The following ATAD5 variants were observed in gnomAD, a reference collection of about 807,000 sequenced individuals.
The protein encoded by ATAD5 is ATPase family AAA domain containing 5.
Under a neutral mutation model 176.9 loss-of-function variants are expected in ATAD5, and 58 were observed. The ratio of observed to expected loss-of-function variants is 0.33; its 90% CI spans 0.27 to 0.41. The LOEUF is 0.41. ATAD5 is among the 10% of genes least tolerant of loss of function. The probability of loss-of-function intolerance (pLI) is 1.00; values close to 1 mark genes in which losing one functional copy is unlikely to be tolerated. For synonymous variants in ATAD5, 640 were observed against 712.6 expected (o/e 0.90, Z 1.62); for missense variants, 1,789 against 2,094.1 (o/e 0.85, Z 2.84).
rs987319013 is a variant in ATAD5, at chr17:30,834,135, T to G, written c.67-13T>G. 3.3e-6 allele frequency: 5 copies of G among 1,526,012 alleles called. No homozygotes were observed. Among genetic ancestry groups the G allele is most frequent in the Non-Finnish European group, 4.4e-6 (5 of 1,142,482 alleles). 94.5% of individuals were successfully genotyped at this position (1,526,012 alleles called of 1,614,324 possible). A position where few individuals can be genotyped will look rare whatever the true frequency, so the allele number is the denominator to read the frequency against. On this transcript the variant is annotated splice_polypyrimidine_tract_variant and intron_variant, in intron 1 of 22. Coordinates refer to ENST00000321990, the MANE Select transcript of ATAD5 (RefSeq NM_024857.5). ...GCTTGAAATAAGTGCCTTTTTCTCT[T>G]TTAAATTGCCAGCCATGCAAAAAGC...
chr17:30,890,230 A>G (rs981586861), intron 19 of ATAD5, among the ~76,000 whole-genome samples: 1 of 151,814 alleles, frequency 6.6e-6, no homozygotes, highest in Non-Finnish European at 1.5e-5. Flanking sequence ...TATATATTCT[A>G]TTCAGTGTAA....
chr17:30,892,536 G>A (rs1909693755), intron 19 of ATAD5, 71 bp from the exon 20 acceptor site: 4 of 1,122,004 alleles, frequency 3.6e-6, no homozygotes, highest in Admixed American at 6.1e-5. Context: ...AAGGATCTCA[G>A]GCTTTAAATA....
intron 18 of ATAD5, among the ~76,000 whole-genome samples, chr17:30,880,330 C>T (rs1027025026): frequency 2.6e-5 from 4 of 151,844 alleles, no homozygotes; most frequent in African/African-American, 4.8e-5. Flanking sequence ...AATACCTGGC[C>T]GGGCGTAGTG....
chr17:30,884,093 C>T (rs1909174466), intron 18 of ATAD5, among the ~76,000 whole-genome samples: 1 of 151,880 alleles, frequency 6.6e-6, no homozygotes, highest in Non-Finnish European at 1.5e-5. Flanking sequence ...AACTACCATT[C>T]TACTTTGTTT....
intron 14 of ATAD5, among the ~76,000 whole-genome samples, chr17:30,873,689 C>CTTTT (rs775055653): frequency 0.03 from 3,945 of 129,458 alleles, 248 homozygotes; most frequent in African/African-American, 0.1. Context: ...TAAAAATTGC[C>CTTTT]TTTTTTTTTT....
intron 10 of ATAD5, 149 bp downstream of exon 10, chr17:30,860,761 C>T: frequency 1.3e-6 from 1 of 740,918 alleles, no homozygotes; most frequent in Non-Finnish European, 2.0e-6. Context: ...TTTTTTGAGA[C>T]ACAGTTTCTC....
intron 12 of ATAD5, among the ~76,000 whole-genome samples, 165 bp downstream of exon 12, chr17:30,868,577 G>A (rs1908140276): frequency 6.8e-6 from 1 of 146,770 alleles, no homozygotes; most frequent in Non-Finnish European, 1.5e-5. Context: ...GCGCAATCTC[G>A]GCTCACTGCT....
chr17:30,884,424 C>CTTTTT (rs61664127), intron 18 of ATAD5, among the ~76,000 whole-genome samples: 1,443 of 80,806 alleles, frequency 0.018, 1 homozygote, highest in Non-Finnish European at 0.024. Flanking sequence ...CTTTTCTTTT[C>CTTTTT]TTTTTTTTTT....
intron 9 of ATAD5, among the ~76,000 whole-genome samples, chr17:30,860,210 GA>G (rs1207228430): frequency 6.6e-6 from 1 of 152,092 alleles, no homozygotes; most frequent in African/African-American, 2.4e-5. Flanking sequence ...CTTTAGTAGA[GA>G]TGGAGTTTCC....
At chr17:30,876,702 C>CTTTTTTTTTTTTTTTTTTTTTTTTTT (rs202065630) in intron 15 of ATAD5, 152 bp downstream of exon 15, 1 of 125,966 alleles carries the variant, frequency 7.9e-6, no homozygotes. Context: ...ATTTTGTTTC[C>CTTTTTTTTTTTTTTTTTTTTTTTTTT]TTTTTTTTTT....
At chr17:30,857,180 G>A in intron 8 of ATAD5, 68 bp downstream of exon 8, 1 of 1,496,820 alleles carries the variant, frequency 6.7e-7, no homozygotes, top group South Asian at 1.3e-5. Flanking sequence ...AAACATTTTT[G>A]GATATCTACT....
chr17:30,838,149 T>C (rs1335770515), intron 3 of ATAD5, among the ~76,000 whole-genome samples: 1 of 152,180 alleles, frequency 6.6e-6, no homozygotes, highest in African/African-American at 2.4e-5. Flanking sequence ...GGGAAAATAA[T>C]CACTTCCACT....
intron 6 of ATAD5, among the ~76,000 whole-genome samples, chr17:30,846,676 T>C (rs1487554873): frequency 6.6e-6 from 1 of 151,910 alleles, no homozygotes; most frequent in East Asian, 1.9e-4. Context: ...GCTGGGATTA[T>C]AGGCGTGAGC....
Position 30,869,518 on chromosome 17 carries a change from C to T in ATAD5, c.3479C>T (p.Ser1160Phe). 6.2e-7 allele frequency: 1 copy of T among 1,613,214 alleles called. No homozygotes were observed. The highest frequency in any genetic ancestry group is 8.5e-7 in the Non-Finnish European group (1 of 1,179,848). ...TAGATATTTGAAGTGAATGCCTCTT[C>T]CCAGCGCAGTGGTAGACAAATTCTA... ...GFKIFEVNAS[S>F]QRSGRQILSQ... Residue 1160 changes from serine (S) to phenylalanine (F), a missense_variant, in exon 14 of 23, where the codon TCC becomes TTC. By Grantham distance (155) the Ser-to-Phe change is radical. Coordinates refer to ENST00000321990, the MANE Select transcript of ATAD5 (RefSeq NM_024857.5).
At chr17:30,861,415 T>G (rs1320866642) in intron 10 of ATAD5, among the ~76,000 whole-genome samples, 4 of 152,070 alleles carry the variant, frequency 2.6e-5, no homozygotes, top group Non-Finnish European at 5.9e-5. Flanking sequence ...AATAAATATG[T>G]GTTTGAAATA....
rs1412594644 is a variant in ATAD5 at position 30,833,825 on chromosome 17, C to T, written c.67-323C>T. ...CCTCCGGAGTAGCTGGGATTACAGG[C>T]GTGCACCACTATGCTCAGCTAATTT... On this transcript the variant is annotated intron_variant, in intron 1 of 22. Coordinates refer to ENST00000321990, the MANE Select transcript of ATAD5 (RefSeq NM_024857.5). Among the ~76,000 whole-genome samples the T allele has an allele frequency of 3.9e-5, 6 of 152,112 alleles. No homozygotes were observed. The East Asian group carries it at 9.6e-4, about 24-fold the overall frequency.
chr17:30,892,425 TAA>T lies in ATAD5; in HGVS notation c.4259-164_4259-163del, dbSNP rs67654723. ...GGGTGATAGAGTGATACTCTGTCTT[TAA>T]AAAAAAAAAAAAAAAAAGAATAATG... On this transcript the variant is annotated intron_variant, in intron 19 of 22. Coordinates refer to ENST00000321990, the MANE Select transcript of ATAD5 (RefSeq NM_024857.5). Among the ~76,000 whole-genome samples the T allele has an allele frequency of 5.7e-3, 759 of 133,178 alleles. 2 individuals are homozygous for T. Among genetic ancestry groups the T allele is most frequent in the African/African-American group, 0.013 (478 of 35,708 alleles). The allele number at this position is 133,178 out of a possible 152,430, so 87.4% of individuals were successfully genotyped here. A position where few individuals can be genotyped will look rare whatever the true frequency, so the allele number is the denominator to read the frequency against.
intron 20 of ATAD5, 127 bp from the exon 21 acceptor site, chr17:30,893,162 TAAATA>T (rs1227641721): frequency 1.0e-5 from 9 of 900,852 alleles, no homozygotes; most frequent in South Asian, 3.3e-5. Context: ...TAAATATAGA[TAAATA>T]AAATTATGAG....
chr17:30,857,403 A>T (rs1407580711), intron 8 of ATAD5, among the ~76,000 whole-genome samples: 1 of 151,866 alleles, frequency 6.6e-6, no homozygotes, highest in Non-Finnish European at 1.5e-5. Flanking sequence ...TTTAGTAGAG[A>T]CGGAATTTCT....
Sources: allele counts gnomAD v4.1 joint callset (sites outside exome capture counted in the v4.1 genomes callset), GRCh38; gene constraint gnomAD v4.1.1; transcripts MANE v1.5; gene names NCBI Gene and HGNC (gene_info 2026-07-23, HGNC 2026-07-21).